The following ADORA2B variants were observed in gnomAD, a reference collection of about 807,000 sequenced individuals.
ADORA2B encodes adenosine receptor A2b.
In ADORA2B, 18 loss-of-function variants were observed where a neutral mutation model predicts 20.8. That is an observed-to-expected ratio of 0.87 (90% CI 0.60 to 1.29). ADORA2B has a LOEUF of 1.29. Ranked by LOEUF, ADORA2B falls within the 50% of genes most tolerant of loss-of-function variation. The probability of loss-of-function intolerance (pLI) is 0.00; values close to 1 mark genes in which losing one functional copy is unlikely to be tolerated. For synonymous variants in ADORA2B, 179 were observed against 178.3 expected (o/e 1.00, Z -0.03); for missense variants, 441 against 422.7 (o/e 1.04, Z -0.38).
chr17:15,900,580 A>G, the ADORA2B span, among the ~76,000 whole-genome samples: 1 of 151,672 alleles, frequency 6.6e-6, no homozygotes, highest in Non-Finnish European at 1.5e-5. Context: ...CCAAGTAGCT[A>G]GGACTACATG....
chr17:15,884,826 G>A, the ADORA2B span, among the ~76,000 whole-genome samples: 1 of 152,098 alleles, frequency 6.6e-6, no homozygotes, highest in Non-Finnish European at 1.5e-5. Flanking sequence ...ATCATTGATG[G>A]GCATTTGGGC....
chr17:15,861,956 T>G, the ADORA2B span, among the ~76,000 whole-genome samples: 1 of 152,170 alleles, frequency 6.6e-6, no homozygotes, highest in Non-Finnish European at 1.5e-5. Context: ...CCTGCCCACC[T>G]GCCAGAATGG....
the ADORA2B span, among the ~76,000 whole-genome samples, chr17:15,899,350 A>G: frequency 1.3e-5 from 2 of 152,258 alleles, no homozygotes; most frequent in African/African-American, 4.8e-5. Context: ...TAGATTATGC[A>G]GGGAAAATTT....
the ADORA2B span, among the ~76,000 whole-genome samples, chr17:15,856,994 C>T: frequency 1.3e-5 from 2 of 152,202 alleles, no homozygotes; most frequent in Non-Finnish European, 2.9e-5. Flanking sequence ...TTGGTGGCAG[C>T]CTGTCCCATC....
chr17:15,909,295 A>C, the ADORA2B span, among the ~76,000 whole-genome samples: 1 of 152,172 alleles, frequency 6.6e-6, no homozygotes, highest in Admixed American at 6.5e-5. Context: ...ACACAGAAAC[A>C]AACATTTGCT....
At chr17:15,856,256 T>TC in the ADORA2B span, among the ~76,000 whole-genome samples, 1 of 151,596 alleles carries the variant, frequency 6.6e-6, no homozygotes, top group Non-Finnish European at 1.5e-5. Flanking sequence ...TCTTTCTCTG[T>TC]CCCCGCCTTC....
At chr17:15,926,527 T>A in the ADORA2B span, among the ~76,000 whole-genome samples, 6 of 151,572 alleles carry the variant, frequency 4.0e-5, no homozygotes, top group African/African-American at 1.5e-4. Context: ...CCAAAGGCCC[T>A]GTGGCAGGGA....
the ADORA2B span, among the ~76,000 whole-genome samples, chr17:15,893,181 C>G: frequency 6.6e-6 from 1 of 152,192 alleles, no homozygotes; most frequent in Admixed American, 6.5e-5. Context: ...TTTAAGCTCT[C>G]CTAGAGACCT....
At chr17:15,956,142 A>G (rs1374036601) in intron 1 of ADORA2B, among the ~76,000 whole-genome samples, 1 of 152,134 alleles carries the variant, frequency 6.6e-6, no homozygotes, top group Non-Finnish European at 1.5e-5. Context: ...CTATTTTTCA[A>G]TACAATTTTA....
the ADORA2B span, among the ~76,000 whole-genome samples, chr17:15,916,483 A>AGG: frequency 6.7e-6 from 1 of 148,890 alleles, no homozygotes; most frequent in Non-Finnish European, 1.5e-5. Flanking sequence ...CACAACTCTA[A>AGG]GGGGGGTCCG....
At chr17:15,968,383 C>T (rs537969418) in intron 1 of ADORA2B, among the ~76,000 whole-genome samples, 2 of 152,308 alleles carry the variant, frequency 1.3e-5, no homozygotes, top group Non-Finnish European at 2.9e-5. Context: ...CCTGTGTGTA[C>T]ATACGGTGAG....
chr17:15,909,246 T>A, the ADORA2B span, among the ~76,000 whole-genome samples: 1 of 152,092 alleles, frequency 6.6e-6, no homozygotes, highest in Non-Finnish European at 1.5e-5. Flanking sequence ...CTTGGGAAGC[T>A]TGTGCTTTCT....
chr17:15,862,216 T>TC, the ADORA2B span, among the ~76,000 whole-genome samples: 217 of 58,182 alleles, frequency 3.7e-3, 1 homozygote, highest in Middle Eastern at 7.8e-3. Flanking sequence ...CTTTTCTTTT[T>TC]TTTTTTTTTT....
chr17:15,858,388 T>C, the ADORA2B span, among the ~76,000 whole-genome samples: 6 of 152,142 alleles, frequency 3.9e-5, no homozygotes, highest in African/African-American at 1.4e-4. Flanking sequence ...TGTTGGCCAT[T>C]CAAAATAGAG....
chr17:15,974,876 C>G lies in ADORA2B; in HGVS notation c.533C>G (p.Pro178Arg). The change falls in exon 2 of 2, where the codon CCC (proline) becomes CGC (arginine). Residue 178 changes from proline (P) to arginine (R), a missense_variant. Pro to Arg is a moderately radical substitution (Grantham distance 103). Coordinates refer to ENST00000304222, the MANE Select transcript of ADORA2B (RefSeq NM_000676.4). The part of the protein sequence containing the change: ...LVKCLFENVV[P>R]MSYMVYFNFF... Reference sequence around the variant, plus strand: ...AAGTGTCTCTTTGAGAATGTGGTCCCCATGAGCTACATGGTATATTTCAAT... The same window carrying G: ...AAGTGTCTCTTTGAGAATGTGGTCCGCATGAGCTACATGGTATATTTCAAT... 1 of 1,614,116 alleles carries G rather than the reference C, an allele frequency of 6.2e-7. No homozygotes were observed. Among genetic ancestry groups the G allele is most frequent in the Admixed American group, 1.7e-5 (1 of 60,012 alleles).
chr17:15,880,857 A>G, the ADORA2B span, among the ~76,000 whole-genome samples: 13 of 152,218 alleles, frequency 8.5e-5, no homozygotes, highest in South Asian at 8.3e-4. Context: ...ATTTAAAGGG[A>G]TAACTGGAAA....
the ADORA2B span, among the ~76,000 whole-genome samples, chr17:15,856,348 A>G: frequency 6.6e-6 from 1 of 152,084 alleles, no homozygotes; most frequent in African/African-American, 2.4e-5. Flanking sequence ...AAGCCTCCTC[A>G]GCCATGTGAA....
At chr17:15,859,961 C>T in the ADORA2B span, among the ~76,000 whole-genome samples, 1 of 152,212 alleles carries the variant, frequency 6.6e-6, no homozygotes, top group East Asian at 1.9e-4. Context: ...AACTAAAAGG[C>T]AGAAATGAAA....
Position 15,975,339 on chromosome 17 carries a change from A to G in ADORA2B, c.996A>G (p.Leu332=), listed in dbSNP as rs778919081. The G allele has an allele frequency of 1.2e-6, 2 of 1,610,606 alleles. No individual in the cohort carries two copies. Among genetic ancestry groups the G allele is most frequent in the South Asian group, 2.2e-5 (2 of 91,038 alleles). ...TACAGCCTGCTCTCGGTGTGGGCCT[A>G]TGATCTAGGCTCTCGCCTCTTCCAG... ...AGVQPALGVG[L] The change falls in exon 2 of 2, where the codon CTA becomes CTG. Residue 332 remains leucine, a synonymous_variant. Coordinates refer to ENST00000304222, the MANE Select transcript of ADORA2B (RefSeq NM_000676.4).
Sources: allele counts gnomAD v4.1 joint callset (sites outside exome capture counted in the v4.1 genomes callset), GRCh38; gene constraint gnomAD v4.1.1; transcripts MANE v1.5; gene names NCBI Gene and HGNC (gene_info 2026-07-23, HGNC 2026-07-21).